The following NRIP1 variants were observed in gnomAD, a reference collection of about 807,000 sequenced individuals.
NRIP1 encodes the protein nuclear receptor-interacting protein 1.
Under a neutral mutation model 75.0 loss-of-function variants are expected in NRIP1, and 28 were observed. The observed-to-expected ratio is 0.37, with a 90% confidence interval of 0.28 to 0.51. The LOEUF (loss-of-function observed/expected upper bound fraction) is 0.51, where lower values mean the gene tolerates loss of function less well. Among genes scored for constraint, NRIP1 ranks in the 20% least tolerant of loss-of-function variants. The pLI is 0.92. For synonymous variants in NRIP1, 526 were observed against 487.6 expected (o/e 1.08, Z -1.04); for missense variants, 1,435 against 1,343.7 (o/e 1.07, Z -1.06).
chr21:15,002,482 A>C (rs566064011), intron 3 of NRIP1: 1 of 152,232 alleles, frequency 6.6e-6, no homozygotes, highest in South Asian at 2.1e-4. Flanking sequence ...AAACACACAC[A>C]CACACACGCA....
intron 3 of NRIP1, among the ~76,000 whole-genome samples, chr21:15,001,527 C>T (rs186414347): frequency 1.3e-5 from 2 of 152,114 alleles, no homozygotes; most frequent in Admixed American, 6.5e-5. Flanking sequence ...CCAAATTGTA[C>T]ACTACAAGTC....
chr21:15,021,305 G>A (rs924748355), intron 2 of NRIP1, among the ~76,000 whole-genome samples: 1 of 152,176 alleles, frequency 6.6e-6, no homozygotes, highest in Non-Finnish European at 1.5e-5. Flanking sequence ...TATATTGTAT[G>A]ATTCCAAAAA....
chr21:14,965,222 G>C lies in NRIP1; in HGVS notation c.2971C>G (p.Pro991Ala). ...LNGLMYSSTQ[P>A]SSCMDNRTFS... is the part of the protein sequence containing the mutation. The stretch of plus-strand genomic sequence containing the variant: ...GTCCTGTTATCCATGCAACTGCTGG[G>C]CTGAGTGGAACTGTACATCAGTCCA... Residue 991 changes from proline to alanine, a missense_variant, in exon 4 of 4, where the codon CCC (proline) becomes GCC (alanine). Physicochemically the swap from Pro to Ala is conservative, Grantham distance 27. Transcript: ENST00000318948. 17 of 1,613,918 alleles carry C rather than the reference G, an allele frequency of 1.1e-5. No homozygotes were observed. The highest frequency in any genetic ancestry group is 2.2e-5 in the East Asian group (1 of 44,876).
At position 15,014,402 on chromosome 21, in the gene NRIP1, GA is replaced by G. The variant is rs1353521126; in HGVS notation, c.-394del. 2.5e-6 allele frequency: 1 copy of G among 398,270 alleles called. No homozygotes were observed. The highest frequency in any genetic ancestry group is 4.4e-6 in the Non-Finnish European group (1 of 225,902). The allele number at this position is 398,270 out of a possible 1,614,324, so 24.7% of individuals were successfully genotyped here. On this transcript the variant is annotated 5_prime_UTR_variant, in exon 3 of 4. It removes the in-frame stop codon of an upstream open reading frame in the 5' UTR. Transcript: ENST00000318948. ...GAGAAAGAAAATTGAGAAGGCTGTT[GA>G]AAAGTAGCTCTGATGTCATCCGGAG...
chr21:14,975,111 G>A (rs1312919907), intron 3 of NRIP1, among the ~76,000 whole-genome samples: 1 of 151,964 alleles, frequency 6.6e-6, no homozygotes, highest in African/African-American at 2.4e-5. Flanking sequence ...AGACCCTGTG[G>A]AAAGAAAGAA....
chr21:15,011,789 C>G (rs2088110089), intron 3 of NRIP1, among the ~76,000 whole-genome samples: 1 of 152,034 alleles, frequency 6.6e-6, no homozygotes, highest in Non-Finnish European at 1.5e-5. Flanking sequence ...AAATATTATA[C>G]ACTGAGATAA....
At chr21:15,020,227 AAC>A (rs1406903965) in intron 2 of NRIP1, among the ~76,000 whole-genome samples, 1 of 152,190 alleles carries the variant, frequency 6.6e-6, no homozygotes, top group African/African-American at 2.4e-5. Context: ...TATGGTAACC[AAC>A]AGTGTTGGTC....
chr21:14,969,020 C>T lies in NRIP1; in HGVS notation c.-334-494G>A, dbSNP rs1209901035. ...GGGGTTGAGGCCAACAGAACAGATT[C>T]ATTTCTGACATCATCCCCCAAACAC... On this transcript the variant is annotated intron_variant, in intron 3 of 3. Coordinates refer to ENST00000318948, the MANE Select transcript of NRIP1 (RefSeq NM_003489.4). Among the ~76,000 whole-genome samples the T allele has an allele frequency of 3.9e-5, 6 of 152,296 alleles. No homozygotes were observed. The South Asian group carries it at 8.3e-4, about 21-fold the overall frequency.
chr21:15,049,147 CTTA>C, intron 1 of NRIP1, among the ~76,000 whole-genome samples: 1 of 152,080 alleles, frequency 6.6e-6, no homozygotes, highest in Non-Finnish European at 1.5e-5. Context: ...TTCCCATTGT[CTTA>C]TAAAATTTCT....
In NRIP1 at chr21:14,966,036, G is replaced by T; in HGVS notation, c.2157C>A (p.Asn719Lys). Residue 719 changes from asparagine (N) to lysine (K), a missense_variant, in exon 4 of 4, where the codon AAC (asparagine) becomes AAA (lysine). Asn to Lys is a moderately conservative substitution (Grantham distance 94, BLOSUM62 0). Coordinates refer to ENST00000318948, the MANE Select transcript of NRIP1 (RefSeq NM_003489.4). ...RRTVLQLLLG[N>K]PNKGKSEKKE... is the part of the protein sequence containing the mutation. The stretch of plus-strand genomic sequence containing the variant: ...TTTTTTCACTCTTCCCTTTGTTGGG[G>T]TTCCCCAGGAGCAACTGGAGGACAG... The T allele has an allele frequency of 6.2e-7, 1 of 1,611,624 alleles. No individual in the cohort carries two copies. The highest frequency in any genetic ancestry group is 1.1e-5 in the South Asian group (1 of 90,616).
At chr21:15,045,053 T>C (rs867681386) in intron 1 of NRIP1, among the ~76,000 whole-genome samples, 17 of 152,304 alleles carry the variant, frequency 1.1e-4, no homozygotes, top group South Asian at 1.0e-3. Context: ...TACACACACA[T>C]GCACATTCTC....
intron 2 of NRIP1, among the ~76,000 whole-genome samples, chr21:15,018,750 G>C (rs915998860): frequency 6.6e-6 from 1 of 152,178 alleles, no homozygotes; most frequent in African/African-American, 2.4e-5. Context: ...TGATATTCTA[G>C]ATGGTAGGAA....
chr21:15,038,584 T>A (rs1421794307), intron 2 of NRIP1, among the ~76,000 whole-genome samples: 2 of 152,016 alleles, frequency 1.3e-5, no homozygotes, highest in Non-Finnish European at 2.9e-5. Context: ...CTGACCATAA[T>A]AATAAACCCT....
At chr21:15,003,015 G>GCATAATTA (rs1185824402) in intron 3 of NRIP1, among the ~76,000 whole-genome samples, 4 of 152,104 alleles carry the variant, frequency 2.6e-5, no homozygotes, top group African/African-American at 7.2e-5. Context: ...TGGCATCACG[G>GCATAATTA]TGGTATGGTT....
At chr21:14,976,261 GT>G (rs1320881363) in intron 3 of NRIP1, among the ~76,000 whole-genome samples, 1 of 152,010 alleles carries the variant, frequency 6.6e-6, no homozygotes, top group Non-Finnish European at 1.5e-5. Flanking sequence ...AATCATTGTG[GT>G]GAAAAAGAAT....
intron 3 of NRIP1, among the ~76,000 whole-genome samples, chr21:14,969,545 T>C (rs1489891595): frequency 6.6e-5 from 10 of 152,114 alleles, no homozygotes; most frequent in African/African-American, 9.7e-5. Flanking sequence ...AGTGTCAAAA[T>C]TGACCTAAGG....
At chr21:15,051,068 A>C in intron 1 of NRIP1, 1 of 367,826 alleles carries the variant, frequency 2.7e-6, no homozygotes, top group Non-Finnish European at 5.4e-6. Context: ...TCCCACAGAT[A>C]CTCCAGAAAC....
chr21:15,011,011 T>C (rs1164515387), intron 3 of NRIP1, among the ~76,000 whole-genome samples: 1 of 152,258 alleles, frequency 6.6e-6, no homozygotes, highest in Non-Finnish European at 1.5e-5. Flanking sequence ...TGATCTTTCT[T>C]TCACCAGCAT....
chr21:15,064,287 G>T (rs1455919425), intron 1 of NRIP1, among the ~76,000 whole-genome samples: 1 of 152,228 alleles, frequency 6.6e-6, no homozygotes. Context: ...TCCCAGCCGG[G>T]TATCCAGCGA....
Sources: gnomAD v4.1 joint callset for allele counts (sites outside exome capture counted in the v4.1 genomes callset) on GRCh38, gnomAD v4.1.1 for gene constraint, MANE v1.5 for transcripts, NCBI Gene and HGNC (gene_info 2026-07-23, HGNC 2026-07-21) for gene names.